DIS3L2: variants seen among roughly 807,000 people sequenced by gnomAD.
The protein encoded by DIS3L2 is DIS3 like 3'-5' exoribonuclease 2, also known as DIS3-like exonuclease 2.
Under a neutral mutation model 97.5 loss-of-function variants are expected in DIS3L2, and 34 were observed. The observed-to-expected ratio is 0.35, with a 90% CI of 0.27 to 0.46. The LOEUF is 0.46. Among genes scored for constraint, DIS3L2 ranks in the 20% least tolerant of loss-of-function variants. The pLI is 1.00. For synonymous variants in DIS3L2, 435 were observed against 445.2 expected, an observed-to-expected ratio of 0.98 and a Z score of 0.29; for missense variants, 1,038 against 1,146.0, an observed-to-expected ratio of 0.91 and a Z score of 1.36.
rs80260072 is a variant in DIS3L2 at position 232,037,937 on chromosome 2, C to T, written c.366+7857C>T. Among the ~76,000 whole-genome samples, 1,692 of 152,324 alleles carry T rather than the reference C, an allele frequency of 0.011. 17 individuals carry two copies. The highest frequency in any genetic ancestry group is 0.036 in the South Asian group (172 of 4,826). On this transcript the variant is annotated intron_variant, in intron 5 of 20. Transcript: ENST00000325385. This position sits in a 1 kb window ranked among gnomAD's most constrained non-coding sequence, Gnocchi z 4.6. ...AAATGCAGAAATCACCAGCCTTCTG[C>T]GTTGGTCTCACTGGGAGCTGCAGGC... is the stretch of plus-strand genomic sequence containing the variant.
intron 14 of DIS3L2, among the ~76,000 whole-genome samples, chr2:232,303,136 G>T (rs1042989171): frequency 9.2e-5 from 14 of 152,086 alleles, no homozygotes; most frequent in Non-Finnish European, 1.6e-4. Flanking sequence ...TACTCATGAG[G>T]GAAGAGGCTG....
At chr2:232,127,608 A>G (rs1698099042) in intron 6 of DIS3L2, among the ~76,000 whole-genome samples, 1 of 152,064 alleles carries the variant, frequency 6.6e-6, no homozygotes, top group Admixed American at 6.5e-5. Context: ...ATCCTTACCC[A>G]TCTTGCCGTT....
chr2:231,986,805 A>G (rs918338359), intron 1 of DIS3L2, among the ~76,000 whole-genome samples: 1 of 152,238 alleles, frequency 6.6e-6, no homozygotes, highest in African/African-American at 2.4e-5. Context: ...ACTGTCTTTC[A>G]TTAATCTTTT....
chr2:232,261,899 A>C (rs1178994329), intron 12 of DIS3L2, among the ~76,000 whole-genome samples: 1 of 152,162 alleles, frequency 6.6e-6, no homozygotes, highest in East Asian at 1.9e-4. Context: ...AGTTTCCTCA[A>C]CTGAAGAAGA....
intron 9 of DIS3L2, among the ~76,000 whole-genome samples, chr2:232,169,778 A>G (rs996952713): frequency 6.6e-6 from 1 of 152,198 alleles, no homozygotes; most frequent in Admixed American, 6.6e-5. Context: ...TGGTATTTGA[A>G]CAATTATATT....
At chr2:232,291,376 C>A (rs1417724024) in intron 13 of DIS3L2, among the ~76,000 whole-genome samples, 1 of 152,238 alleles carries the variant, frequency 6.6e-6, no homozygotes, top group South Asian at 2.1e-4. Flanking sequence ...AGTAACTTTT[C>A]TGATCTTTTA....
At chr2:231,969,117 C>T (rs1692814305) in intron 1 of DIS3L2, among the ~76,000 whole-genome samples, 1 of 152,114 alleles carries the variant, frequency 6.6e-6, no homozygotes, top group Non-Finnish European at 1.5e-5. Flanking sequence ...TCAATTAACC[C>T]TCTTTCCTTT....
At chr2:231,987,431 A>G (rs1014466940) in intron 1 of DIS3L2, among the ~76,000 whole-genome samples, 3 of 152,246 alleles carry the variant, frequency 2.0e-5, no homozygotes, top group Non-Finnish European at 4.4e-5. Context: ...AGCGTGCACA[A>G]AGGCTCTGCA....
chr2:232,163,163 TTC>T (rs1690703680), intron 8 of DIS3L2, among the ~76,000 whole-genome samples: 1 of 152,208 alleles, frequency 6.6e-6, no homozygotes, highest in African/African-American at 2.4e-5. Context: ...CAATTTTGAC[TTC>T]TCTGTGAAGA....
At position 232,037,783 on chromosome 2, in the gene DIS3L2, G is replaced by C. The variant is rs1011774611; in HGVS notation, c.366+7703G>C. 2.0e-5 allele frequency among the ~76,000 whole-genome samples: 3 copies of C among 152,166 alleles called. No individual in the cohort carries two copies. The highest frequency in any genetic ancestry group is 2.9e-5 in the Non-Finnish European group (2 of 68,008). ...GTCCCTCATGGCTTCCCTTGGCTAG[G>C]GGTGGGAGTTCCCTGACTCCTTGCA... is the stretch of plus-strand genomic sequence containing the variant. On this transcript the variant is annotated intron_variant, in intron 5 of 20. Transcript: ENST00000325385. The surrounding 1 kb of genome is among the most constrained non-coding windows in gnomAD (Gnocchi z 4.6).
intron 16 of DIS3L2, among the ~76,000 whole-genome samples, 197 bp from the exon 17 acceptor site, chr2:232,333,643 C>G (rs1367132821): frequency 6.6e-6 from 1 of 152,218 alleles, no homozygotes; most frequent in African/African-American, 2.4e-5. Flanking sequence ...CTCTGCCCAG[C>G]CTCCTGGCCT....
intron 6 of DIS3L2, among the ~76,000 whole-genome samples, chr2:232,122,299 C>G (rs991731476): frequency 3.3e-5 from 5 of 152,210 alleles, no homozygotes; most frequent in South Asian, 2.1e-4. Context: ...CTCCCATTAA[C>G]TCCTTAGGGT....
chr2:232,028,283 A>G (rs1230162190), intron 4 of DIS3L2, among the ~76,000 whole-genome samples: 1 of 152,078 alleles, frequency 6.6e-6, no homozygotes, highest in African/African-American at 2.4e-5. Context: ...GACTTCTGGC[A>G]TTCAAACAAA....
intron 13 of DIS3L2, among the ~76,000 whole-genome samples, chr2:232,299,687 G>A (rs1694808854): frequency 6.6e-6 from 1 of 152,228 alleles, no homozygotes; most frequent in African/African-American, 2.4e-5. Context: ...ACATTCATTG[G>A]TGTGATCATT....
At chr2:232,170,146 G>A (rs1316687616) in intron 9 of DIS3L2, among the ~76,000 whole-genome samples, 1 of 152,148 alleles carries the variant, frequency 6.6e-6, no homozygotes, top group Non-Finnish European at 1.5e-5. Flanking sequence ...GGATCAGGAA[G>A]ATAATATGTC....
chr2:232,100,831 A>ATGTG (rs1559629448), intron 6 of DIS3L2, among the ~76,000 whole-genome samples: 2 of 143,468 alleles, frequency 1.4e-5, no homozygotes, highest in Non-Finnish European at 3.0e-5. Flanking sequence ...GTGTGTGTGT[A>ATGTG]TATATATCTC....
intron 12 of DIS3L2, among the ~76,000 whole-genome samples, chr2:232,253,825 T>C (rs1407535373): frequency 1.3e-5 from 2 of 152,216 alleles, no homozygotes; most frequent in African/African-American, 4.8e-5. Flanking sequence ...TAGTTACTCT[T>C]GGGAAGTAAC....
chr2:232,147,960 T>TCCCCTCC (rs1690265393), intron 8 of DIS3L2, among the ~76,000 whole-genome samples: 1 of 68,076 alleles, frequency 1.5e-5, no homozygotes, highest in African/African-American at 5.9e-5. Flanking sequence ...CCCCTCCCTT[T>TCCCCTCC]CCTCCCCTCC....
chr2:232,239,289 GC>G (rs1693016459), intron 11 of DIS3L2, among the ~76,000 whole-genome samples: 1 of 152,136 alleles, frequency 6.6e-6, no homozygotes, highest in Non-Finnish European at 1.5e-5. Context: ...CTTGGACCTG[GC>G]ACATTCAATA....
Sources: gnomAD v4.1 joint callset for allele counts (sites outside exome capture counted in the v4.1 genomes callset) on GRCh38, gnomAD v4.1.1 for gene constraint, Gnocchi (gnomAD v3.1) non-coding constraint, MANE v1.5 for transcripts, NCBI Gene and HGNC (gene_info 2026-07-23, HGNC 2026-07-21) for gene names.